The following CELF2 variants were observed in gnomAD, a reference collection of about 807,000 sequenced individuals.
The protein encoded by CELF2 is CUG triplet repeat RNA-binding protein 2.
CELF2 carries 8 observed loss-of-function variants against 62.6 expected under a neutral mutation model. The ratio of observed to expected loss-of-function variants is 0.13; its 90% CI spans 0.07 to 0.23. The LOEUF is 0.23. Among genes scored for constraint, CELF2 ranks in the 10% least tolerant of loss-of-function variants. The pLI is 1.00. For missense variants in CELF2, 333 were observed against 671.0 expected (o/e 0.50, Z 5.56); for synonymous variants, 258 against 250.0 (o/e 1.03, Z -0.30).
chr10:10,727,166 G>A, the CELF2 span, among the ~76,000 whole-genome samples: 1 of 152,328 alleles, frequency 6.6e-6, no homozygotes, highest in East Asian at 1.9e-4. Flanking sequence ...TGAGATTTGT[G>A]TGGGGACACA....
upstream of CELF2, among the ~76,000 whole-genome samples, chr10:10,795,490 T>C (rs1330524908): frequency 6.6e-6 from 1 of 152,200 alleles, no homozygotes; most frequent in African/African-American, 2.4e-5. Flanking sequence ...CCTTTCTGTG[T>C]TACAGATAAA....
chr10:10,580,225 C>T, the CELF2 span, among the ~76,000 whole-genome samples: 1 of 152,036 alleles, frequency 6.6e-6, no homozygotes, highest in Non-Finnish European at 1.5e-5. Context: ...GTGGGGGCAA[C>T]CTTCTAAAGT....
At chr10:10,559,140 G>C in the CELF2 span, among the ~76,000 whole-genome samples, 3 of 152,166 alleles carry the variant, frequency 2.0e-5, no homozygotes, top group Admixed American at 6.6e-5. Flanking sequence ...CACAGAGCGG[G>C]CAAATTTAAA....
chr10:11,248,613 A>T (rs1364366369), intron 3 of CELF2, among the ~76,000 whole-genome samples: 2 of 152,244 alleles, frequency 1.3e-5, no homozygotes, highest in Non-Finnish European at 2.9e-5. Context: ...TGGCCAGAAA[A>T]GTCTGCATGA....
At chr10:11,056,092 G>A (rs1481352192) in intron 1 of CELF2, among the ~76,000 whole-genome samples, 3 of 152,248 alleles carry the variant, frequency 2.0e-5, no homozygotes, top group African/African-American at 4.8e-5. Context: ...CTGAGCCCAT[G>A]TATAGATAAA....
the CELF2 span, among the ~76,000 whole-genome samples, chr10:10,494,047 G>A: frequency 1.3e-5 from 2 of 152,178 alleles, no homozygotes; most frequent in Admixed American, 6.5e-5. Context: ...TAAAATCTCT[G>A]AGAAGTTTAC....
chr10:10,964,784 C>A (rs1404508171), intron 2 of CELF2, among the ~76,000 whole-genome samples: 1 of 139,826 alleles, frequency 7.2e-6, no homozygotes, highest in Admixed American at 6.7e-5. Context: ...GCTCTTTAAA[C>A]CAAGCAATAA....
the CELF2 span, among the ~76,000 whole-genome samples, chr10:10,683,759 C>T: frequency 0.22 from 33,659 of 152,056 alleles, 3,946 homozygotes; most frequent in South Asian, 0.43. Context: ...AAAAAACTTA[C>T]GATTTCATTG....
intron 1 of CELF2, among the ~76,000 whole-genome samples, chr10:10,840,576 A>C (rs1424614425): frequency 6.6e-6 from 1 of 152,174 alleles, no homozygotes; most frequent in African/African-American, 2.4e-5. Context: ...GAGTTGTAAT[A>C]GTTCTTTGTA....
chr10:11,136,004 C>G (rs1478137702), intron 1 of CELF2, among the ~76,000 whole-genome samples: 2 of 152,164 alleles, frequency 1.3e-5, no homozygotes, highest in Non-Finnish European at 2.9e-5. Flanking sequence ...CAAATATTTA[C>G]TGGTGGACTA....
the CELF2 span, among the ~76,000 whole-genome samples, chr10:10,654,067 C>G: frequency 1.3e-5 from 2 of 148,344 alleles, no homozygotes; most frequent in African/African-American, 5.0e-5. Flanking sequence ...ATACAAACTA[C>G]CATCAGAGAA....
intron 1 of CELF2, among the ~76,000 whole-genome samples, chr10:11,028,072 G>C (rs1428534847): frequency 1.3e-5 from 2 of 152,162 alleles, no homozygotes; most frequent in Admixed American, 6.5e-5. Context: ...ATAAAGCATT[G>C]TTGCTCCCAA....
intron 2 of CELF2, among the ~76,000 whole-genome samples, chr10:10,943,762 C>CG (rs1554891178): frequency 7.9e-6 from 1 of 126,448 alleles, no homozygotes; most frequent in African/African-American, 2.9e-5. Context: ...CTACTCCCAG[C>CG]TTTTTTTTTG....
the CELF2 span, among the ~76,000 whole-genome samples, chr10:10,667,958 C>G: frequency 6.6e-6 from 1 of 152,080 alleles, no homozygotes. Context: ...AATTATGTGC[C>G]CCAAAGAGGC....
intron 1 of CELF2, among the ~76,000 whole-genome samples, chr10:11,052,765 G>A (rs1405135648): frequency 6.6e-6 from 1 of 152,154 alleles, no homozygotes; most frequent in East Asian, 1.9e-4. Context: ...CAAGTAGATG[G>A]CCCCATTATT....
intron 1 of CELF2, among the ~76,000 whole-genome samples, chr10:10,906,717 C>CTTTTTTTTTTTTTTTTTTTTTT (rs397846553): frequency 2.0e-4 from 22 of 109,278 alleles, no homozygotes; most frequent in African/African-American, 2.8e-4. Flanking sequence ...TTTTTCTTTT[C>CTTTTTTTTTTTTTTTTTTTTTT]TTTTTTTTTT....
At chr10:10,669,394 T>C in the CELF2 span, among the ~76,000 whole-genome samples, 5 of 152,306 alleles carry the variant, frequency 3.3e-5, no homozygotes, top group Non-Finnish European at 2.9e-5. Context: ...ACTGCACAGG[T>C]GGAAGAATTG....
the CELF2 span, among the ~76,000 whole-genome samples, chr10:10,502,234 T>C: frequency 6.6e-6 from 1 of 151,938 alleles, no homozygotes; most frequent in East Asian, 1.9e-4. Context: ...TGTCAATATG[T>C]TTGTTTGGTT....
intron 9 of CELF2, among the ~76,000 whole-genome samples, chr10:11,307,201 G>T (rs575051180): frequency 6.6e-6 from 1 of 152,252 alleles, no homozygotes; most frequent in African/African-American, 2.4e-5. Context: ...GCCCCAGGGC[G>T]AAGCACTCTC....
Sources: gnomAD v4.1 joint callset for allele counts (sites outside exome capture counted in the v4.1 genomes callset) on GRCh38, gnomAD v4.1.1 for gene constraint, MANE v1.5 for transcripts, NCBI Gene and HGNC (gene_info 2026-07-23, HGNC 2026-07-21) for gene names.